Variants in SLCO6A1 observed in about 807,000 individuals in gnomAD.
SLCO6A1 encodes solute carrier organic anion transporter family member 6A1.
Under a neutral mutation model 72.7 loss-of-function variants are expected in SLCO6A1, and 65 were observed. The observed-to-expected ratio is 0.89, with a 90% CI of 0.73 to 1.10. The LOEUF is 1.10. Ranked by LOEUF, SLCO6A1 falls within the 50% of genes least tolerant of loss-of-function variation. The probability of loss-of-function intolerance (pLI) is 0.00; values close to 1 mark genes in which losing one functional copy is unlikely to be tolerated. For synonymous variants in SLCO6A1, 314 were observed against 298.2 expected (o/e 1.05, Z -0.55); for missense variants, 874 against 872.6 (o/e 1.00, Z -0.02).
intron 9 of SLCO6A1, among the ~76,000 whole-genome samples, chr5:102,400,246 A>G (rs1192198218): frequency 6.6e-6 from 1 of 151,998 alleles, no homozygotes; most frequent in East Asian, 1.9e-4. Flanking sequence ...TAACATATTC[A>G]GAACCACATA....
At chr5:102,416,807 T>C (rs1328119673) in intron 8 of SLCO6A1, among the ~76,000 whole-genome samples, 1 of 152,174 alleles carries the variant, frequency 6.6e-6, no homozygotes. Flanking sequence ...AACCATTACA[T>C]GCGTGCATGA....
chr5:102,455,024 ATAT>A (rs1561475587), intron 6 of SLCO6A1, among the ~76,000 whole-genome samples: 1 of 110,678 alleles, frequency 9.0e-6, no homozygotes, highest in African/African-American at 3.4e-5. Context: ...ATATATATAT[ATAT>A]AAATTATGTT....
Position 102,373,323 on chromosome 5 carries a change from T to C in SLCO6A1, c.*15+14A>G, listed in dbSNP as rs2112459079. 6.8e-7 allele frequency: 1 copy of C among 1,463,434 alleles called. No homozygotes were observed. Among genetic ancestry groups the C allele is most frequent in the East Asian group, 2.5e-5 (1 of 39,570 alleles). 90.7% of individuals were successfully genotyped at this position (1,463,434 alleles called of 1,614,324 possible). On this transcript the variant is annotated intron_variant, in intron 13 of 13. Coordinates refer to ENST00000506729, the MANE Select transcript of SLCO6A1 (RefSeq NM_173488.5). Reference sequence around the variant, plus strand: ...TAATATTTCATTGATAGATTGACAATGTGTAATTCTTACACAATGATGATC... The same window carrying C: ...TAATATTTCATTGATAGATTGACAACGTGTAATTCTTACACAATGATGATC...
rs560928219 is a variant in SLCO6A1 at position 102,383,113 on chromosome 5, G to A, written c.2017+5575C>T. Among the ~76,000 whole-genome samples, 318 of 58,758 alleles carry A rather than the reference G, an allele frequency of 5.4e-3. 7 individuals are homozygous for A. Among genetic ancestry groups the A allele is most frequent in the African/African-American group, 0.018 (302 of 16,704 alleles). 38.5% of individuals were successfully genotyped at this position (58,758 alleles called of 152,430 possible). On this transcript the variant is annotated intron_variant, in intron 12 of 13. Transcript: ENST00000506729. ...GTGTGTGAATATATATATATATAGTGTTTTATATACATAAATAATGTCATT... is the reference window on the plus strand; with the variant it reads ...GTGTGTGAATATATATATATATAGTATTTTATATACATAAATAATGTCATT...
At chr5:102,434,817 T>A (rs1429017041) in intron 7 of SLCO6A1, among the ~76,000 whole-genome samples, 1 of 152,154 alleles carries the variant, frequency 6.6e-6, no homozygotes, top group Non-Finnish European at 1.5e-5. Context: ...TATTACTATT[T>A]TTTTTTCTTA....
intron 1 of SLCO6A1, among the ~76,000 whole-genome samples, chr5:102,497,755 A>T (rs1006308312): frequency 6.6e-6 from 1 of 152,170 alleles, no homozygotes; most frequent in South Asian, 2.1e-4. Flanking sequence ...TCTGAAACAA[A>T]ATTGATAATA....
chr5:102,459,795 G>GA lies in SLCO6A1; in HGVS notation c.900-19dup, dbSNP rs148394431. On this transcript the variant is annotated intron_variant, in intron 4 of 13. Transcript: ENST00000506729. ...CTGTAGTGCTTTAATAAAGAAAAGT[G>GA]AAAAAAAAAAGCAACTTTAGGTATT... 0.083 allele frequency: 109,782 copies of GA among 1,318,296 alleles called. 2,791 individuals carry two copies. Among genetic ancestry groups the GA allele is most frequent in the Non-Finnish European group, 0.098 (97,129 of 994,208 alleles). 81.7% of individuals were successfully genotyped at this position (1,318,296 alleles called of 1,614,324 possible). A position where few individuals can be genotyped will look rare whatever the true frequency, so the allele number is the denominator to read the frequency against.
chr5:102,429,430 G>C (rs975069237), intron 7 of SLCO6A1, among the ~76,000 whole-genome samples: 2 of 152,112 alleles, frequency 1.3e-5, no homozygotes, highest in Non-Finnish European at 2.9e-5. Context: ...GGTTTTTATA[G>C]TTTTGGGTTT....
At chr5:102,416,322 T>C (rs1443493063) in intron 8 of SLCO6A1, among the ~76,000 whole-genome samples, 1 of 151,874 alleles carries the variant, frequency 6.6e-6, no homozygotes. Flanking sequence ...CAACAGATGA[T>C]TGAATTAAAA....
chr5:102,454,414 G>A (rs1750594879), intron 6 of SLCO6A1, among the ~76,000 whole-genome samples: 1 of 152,130 alleles, frequency 6.6e-6, no homozygotes, highest in Non-Finnish European at 1.5e-5. Flanking sequence ...AATAGTTGTT[G>A]ACAATTCTGC....
chr5:102,479,253 T>C (rs1036062028), intron 2 of SLCO6A1, among the ~76,000 whole-genome samples: 35 of 152,172 alleles, frequency 2.3e-4, no homozygotes, highest in African/African-American at 8.2e-4. Flanking sequence ...TGCTACAATG[T>C]GAAGATAGGC....
chr5:102,427,950 C>T (rs997983505), intron 7 of SLCO6A1, among the ~76,000 whole-genome samples: 1 of 143,312 alleles, frequency 7.0e-6, no homozygotes, highest in African/African-American at 2.6e-5. Flanking sequence ...CTCACTGTAA[C>T]CTCTGCCTCC....
rs552177511 is a variant in SLCO6A1, at chr5:102,434,892, T to C, written c.1276+3725A>G. Reference sequence around the variant, plus strand: ...CAGTTCCAGCAATGTGCAATTACCCTGAGTGTAAAAAGAAAAAAAATTATA... The same window carrying C: ...CAGTTCCAGCAATGTGCAATTACCCCGAGTGTAAAAAGAAAAAAAATTATA... On this transcript the variant is annotated intron_variant, in intron 7 of 13. Transcript: ENST00000506729. Among the ~76,000 whole-genome samples, 413 of 152,260 alleles carry C rather than the reference T, an allele frequency of 2.7e-3. 1 individual carries two copies. Among genetic ancestry groups the C allele is most frequent in the African/African-American group, 9.6e-3 (399 of 41,548 alleles).
At position 102,384,696 on chromosome 5, in the gene SLCO6A1, C is replaced by T. The variant is rs562178568; in HGVS notation, c.2017+3992G>A. 1.4e-4 allele frequency among the ~76,000 whole-genome samples: 21 copies of T among 152,070 alleles called. No individual in the cohort carries two copies. In the South Asian group the frequency reaches 4.2e-3, roughly 30 times the overall value. ...CTGTAGCTATAGTTATTTTTTCATA[C>T]TTTTGTTGAGTTGTATAGTACATTT... On this transcript the variant is annotated intron_variant, in intron 12 of 13. Transcript: ENST00000506729.
chr5:102,488,460 G>T (rs1752535561), intron 1 of SLCO6A1, among the ~76,000 whole-genome samples: 2 of 152,104 alleles, frequency 1.3e-5, no homozygotes, highest in South Asian at 4.1e-4. Context: ...AACTCCCTTT[G>T]ATATAGTTCC....
At chr5:102,402,982 G>T (rs1381441810) in intron 9 of SLCO6A1, among the ~76,000 whole-genome samples, 1 of 152,060 alleles carries the variant, frequency 6.6e-6, no homozygotes, top group Non-Finnish European at 1.5e-5. Context: ...GAAAACCAAA[G>T]AATTTTCTTT....
rs752093945 is a variant in SLCO6A1, at chr5:102,373,457, A to G, written c.2055T>C (p.Thr685=). The G allele has an allele frequency of 5.1e-6, 8 of 1,566,718 alleles. No individual in the cohort carries two copies. The East Asian group carries it at 1.9e-4, about 37-fold the overall frequency. The change falls in exon 13 of 14, where the codon ACT becomes ACC. Residue 685 remains threonine, a synonymous_variant. Coordinates refer to ENST00000506729, the MANE Select transcript of SLCO6A1 (RefSeq NM_173488.5). ...LCKLCTIIFT[T]IAFFIYKRRL... is the part of the protein sequence containing the mutation. Reference sequence around the variant, plus strand: ...GACGTTTGTATATGAAAAATGCAATAGTAGTGAAGATGATAGTGCATAGTT... The same window carrying G: ...GACGTTTGTATATGAAAAATGCAATGGTAGTGAAGATGATAGTGCATAGTT...
intron 4 of SLCO6A1, among the ~76,000 whole-genome samples, chr5:102,461,068 T>G (rs1004714082): frequency 2.0e-5 from 3 of 151,456 alleles, no homozygotes; most frequent in East Asian, 1.9e-4. Flanking sequence ...CAGCTATGTA[T>G]TCTAACTATA....
chr5:102,480,953 C>G (rs1752165137), intron 1 of SLCO6A1, among the ~76,000 whole-genome samples: 1 of 152,080 alleles, frequency 6.6e-6, no homozygotes, highest in African/African-American at 2.4e-5. Flanking sequence ...TAGACAATAT[C>G]AAGTATTGTT....
Sources: gnomAD v4.1 joint callset for allele counts (sites outside exome capture counted in the v4.1 genomes callset) on GRCh38, gnomAD v4.1.1 for gene constraint, MANE v1.5 for transcripts, NCBI Gene and HGNC (gene_info 2026-07-23, HGNC 2026-07-21) for gene names.